The following COPB1 variants were observed in gnomAD, a reference collection of about 807,000 sequenced individuals.
COPB1 encodes the protein coat protein complex I subunit beta 1.
COPB1 carries 21 observed loss-of-function variants against 108.7 expected under a neutral mutation model. The observed-to-expected ratio is 0.19, with a 90% CI of 0.14 to 0.28. The LOEUF is 0.28. COPB1 is among the 10% of genes least tolerant of loss of function. The pLI is 1.00. For synonymous variants in COPB1, 378 were observed against 386.8 expected (o/e 0.98, Z 0.27); for missense variants, 919 against 1,141.3 (o/e 0.81, Z 2.81).
chr11:14,471,592 T>C (rs1414298713), intron 14 of COPB1, among the ~76,000 whole-genome samples: 1 of 152,214 alleles, frequency 6.6e-6, no homozygotes, highest in Admixed American at 6.5e-5. Context: ...CTCTCATTTA[T>C]GGCTTTTCTT....
rs768941901 is a variant in COPB1, at chr11:14,479,671, T to G, written c.1256A>C (p.Asp419Ala). 1.2e-6 allele frequency: 2 copies of G among 1,607,016 alleles called. No homozygotes were observed. Among genetic ancestry groups the G allele is most frequent in the Non-Finnish European group, 1.7e-6 (2 of 1,177,840 alleles). The change falls in exon 11 of 22, where the codon GAT becomes GCT. Residue 419 changes from aspartate (D) to alanine (A), a missense_variant. Asp to Ala is a moderately radical substitution (Grantham distance 126, BLOSUM62 -2). Coordinates refer to ENST00000439561, the MANE Select transcript of COPB1 (RefSeq NM_001144061.2). The stretch of plus-strand genomic sequence containing the variant: ...GGCTTCACGAACAAACTCCAAGACA[T>G]CAGCAGCTGCTGCTTCGTTGTTGTC... ...LSDNNEAAAA[D>A]VLEFVREAIQ... is the part of the protein sequence containing the mutation.
At chr11:14,498,785 T>C in intron 2 of COPB1, 53 bp downstream of exon 2, 1 of 1,420,526 alleles carries the variant, frequency 7.0e-7, no homozygotes. Context: ...ATGAGTTTTT[T>C]ATTTTTGTTT....
intron 8 of COPB1, among the ~76,000 whole-genome samples, chr11:14,482,538 A>G (rs2134116216): frequency 6.6e-6 from 1 of 152,090 alleles, no homozygotes; most frequent in South Asian, 2.1e-4. Flanking sequence ...CTTTAGAAAA[A>G]CATTTTTTTT....
intron 19 of COPB1, 73 bp from the exon 20 acceptor site, chr11:14,460,370 A>G: frequency 1.1e-6 from 1 of 939,316 alleles, no homozygotes; most frequent in Non-Finnish European, 1.7e-6. Flanking sequence ...CCAGTATGTC[A>G]TATTAAAAAC....
rs1850955546 is a variant in COPB1, at chr11:14,493,541, C to T, written c.491+101G>A. 7.2e-6 allele frequency: 7 copies of T among 974,550 alleles called. No individual in the cohort carries two copies. The African/African-American group carries it at 8.4e-5, about 12-fold the overall frequency. 60.4% of individuals were successfully genotyped at this position (974,550 alleles called of 1,614,324 possible). ...ACAGTGCTGGCCATACAAAATATAT[C>T]TTCAAGCTATATTCAGTCTGCAAGC... On this transcript the variant is annotated intron_variant, in intron 4 of 21. Transcript: ENST00000439561.
intron 7 of COPB1, 77 bp from the exon 8 acceptor site, chr11:14,483,228 CCACACA>C (rs3217599): frequency 0.055 from 26,872 of 488,336 alleles, 10 homozygotes; most frequent in East Asian, 0.09. Context: ...CGCGCGCACA[CCACACA>C]CACACACACA....
chr11:14,486,329 C>G (rs1300719501), intron 7 of COPB1, 38 bp downstream of exon 7: 3 of 1,610,436 alleles, frequency 1.9e-6, no homozygotes, highest in Admixed American at 1.7e-5. Flanking sequence ...GACAGAAAAT[C>G]TATCATCTAA....
At chr11:14,490,925 G>C (rs969869206) in intron 4 of COPB1, among the ~76,000 whole-genome samples, 1 of 151,866 alleles carries the variant, frequency 6.6e-6, no homozygotes, top group Non-Finnish European at 1.5e-5. Context: ...GAGTAGCTGC[G>C]ATTATAGGTG....
At chr11:14,467,809 G>A (rs1290144462) in intron 16 of COPB1, among the ~76,000 whole-genome samples, 4 of 152,150 alleles carry the variant, frequency 2.6e-5, no homozygotes, top group Admixed American at 2.6e-4. Context: ...ATACTGTATT[G>A]TTCCACTTCT....
At chr11:14,471,800 T>C (rs866795951) in intron 14 of COPB1, among the ~76,000 whole-genome samples, 3 of 152,068 alleles carry the variant, frequency 2.0e-5, no homozygotes, top group Non-Finnish European at 2.9e-5. Context: ...CAGGCGCCTG[T>C]AGCCCCAGCT....
chr11:14,480,911 A>G lies in COPB1; in HGVS notation c.1066-6T>C. On this transcript the variant is annotated splice_region_variant and splice_polypyrimidine_tract_variant and intron_variant, in intron 9 of 21. Transcript: ENST00000439561. ...TTCTTCAGGACAATAACCAGCTTAT[A>G]GAATGAAGTAAAAATAAGTGAGAGT... The G allele has an allele frequency of 6.2e-7, 1 of 1,613,812 alleles. No individual in the cohort carries two copies. The highest frequency in any genetic ancestry group is 8.5e-7 in the Non-Finnish European group (1 of 1,179,810).
At position 14,488,704 on chromosome 11, in the gene COPB1, G is replaced by C. The variant is rs1049449949; in HGVS notation, c.607-120C>G. The C allele has an allele frequency of 4.9e-5, 22 of 449,030 alleles. No individual in the cohort carries two copies. The Middle Eastern group carries it at 2.4e-3, about 49-fold the overall frequency. 27.8% of individuals were successfully genotyped at this position (449,030 alleles called of 1,614,324 possible). On this transcript the variant is annotated intron_variant, in intron 5 of 21. Coordinates refer to ENST00000439561, the MANE Select transcript of COPB1 (RefSeq NM_001144061.2). ...AAACAAATGAGGAGATCAGGGCAAA[G>C]AGAAATTAACTGGGAAAAAAATCAA...
intron 5 of COPB1, 131 bp from the exon 6 acceptor site, chr11:14,488,715 T>A: frequency 2.3e-6 from 1 of 431,280 alleles, no homozygotes; most frequent in Non-Finnish European, 4.0e-6. Context: ...AGAAATTAAC[T>A]GGGAAAAAAA....
chr11:14,464,039 C>G (rs1003275735), intron 18 of COPB1, among the ~76,000 whole-genome samples: 1 of 152,178 alleles, frequency 6.6e-6, no homozygotes, highest in South Asian at 2.1e-4. Context: ...TTTCCTCTCT[C>G]CACAGATAAA....
At chr11:14,492,453 T>A (rs1850924155) in intron 4 of COPB1, among the ~76,000 whole-genome samples, 2 of 152,190 alleles carry the variant, frequency 1.3e-5, no homozygotes, top group Non-Finnish European at 2.9e-5. Context: ...GAGCAATTCT[T>A]CTGCTTCAGC....
chr11:14,482,598 G>A (rs113382144), intron 8 of COPB1, among the ~76,000 whole-genome samples: 2,106 of 151,890 alleles, frequency 0.014, 44 homozygotes, highest in African/African-American at 0.048. Flanking sequence ...GCAGTGGCAC[G>A]ATCTCAGCTC....
intron 20 of COPB1, among the ~76,000 whole-genome samples, chr11:14,459,845 G>A (rs1850106401): frequency 6.6e-6 from 1 of 152,070 alleles, no homozygotes; most frequent in Non-Finnish European, 1.5e-5. Context: ...TCAAACTCCT[G>A]ACCTCAAGTG....
intron 18 of COPB1, among the ~76,000 whole-genome samples, chr11:14,463,404 G>A (rs1175572774): frequency 2.0e-5 from 3 of 152,194 alleles, no homozygotes; most frequent in Admixed American, 1.3e-4. Context: ...TGTAACCTCT[G>A]TCTCATGGGT....
At chr11:14,465,418 G>C (rs1025893679) in intron 17 of COPB1, among the ~76,000 whole-genome samples, 3 of 152,052 alleles carry the variant, frequency 2.0e-5, no homozygotes, top group African/African-American at 4.8e-5. Context: ...CTACAGCCCT[G>C]ATCTTCCAGG....
Sources: gnomAD v4.1 joint callset for allele counts (sites outside exome capture counted in the v4.1 genomes callset) on GRCh38, gnomAD v4.1.1 for gene constraint, MANE v1.5 for transcripts, NCBI Gene and HGNC (gene_info 2026-07-23, HGNC 2026-07-21) for gene names.